The following BNIPL variants were observed in gnomAD, a reference collection of about 807,000 sequenced individuals.
The protein encoded by BNIPL is BCL2 interacting protein like.
Under a neutral mutation model 47.0 loss-of-function variants are expected in BNIPL, and 33 were observed. The observed-to-expected ratio is 0.70, with a 90% CI of 0.53 to 0.94. The LOEUF (loss-of-function observed/expected upper bound fraction) is 0.94. BNIPL is among the 40% of genes least tolerant of loss of function. The probability of loss-of-function intolerance (pLI) is 0.00; values close to 1 mark genes in which losing one functional copy is unlikely to be tolerated. For missense variants in BNIPL, 404 were observed against 445.2 expected, an observed-to-expected ratio of 0.91 and a Z score of 0.83; for synonymous variants, 145 against 162.7, an observed-to-expected ratio of 0.89 and a Z score of 0.83.
At chr1:151,038,334 A>C in intron 2 of BNIPL, 170 bp from the exon 3 acceptor site, 3 of 617,314 alleles carry the variant, frequency 4.9e-6, no homozygotes, top group Non-Finnish European at 8.6e-6. Context: ...TGATTGTGCC[A>C]CTGCATTCCA....
chr1:151,045,378 T>A (rs998127428), intron 7 of BNIPL, among the ~76,000 whole-genome samples: 1 of 146,500 alleles, frequency 6.8e-6, no homozygotes, highest in African/African-American at 2.6e-5. Flanking sequence ...GAGACCATGG[T>A]GAAACCCCGT....
intron 4 of BNIPL, among the ~76,000 whole-genome samples, chr1:151,041,867 C>T (rs956282991): frequency 1.3e-5 from 2 of 151,710 alleles, no homozygotes; most frequent in East Asian, 3.9e-4. Context: ...ACCAGCTACT[C>T]GGGAGGCTGA....
intron 1 of BNIPL, among the ~76,000 whole-genome samples, chr1:151,037,112 C>T (rs1344000268): frequency 2.6e-5 from 4 of 152,288 alleles, no homozygotes; most frequent in South Asian, 2.1e-4. Flanking sequence ...TCCAGGTTCT[C>T]GTTCTGGCAA....
chr1:151,036,640 GAGGTA>G lies in BNIPL; in HGVS notation c.-82_-78del, dbSNP rs910419508. 9.8e-6 allele frequency: 12 copies of G among 1,225,038 alleles called. No individual in the cohort carries two copies. In the African/African-American group the frequency reaches 1.3e-4, roughly 14 times the overall value. 75.9% of individuals were successfully genotyped at this position (1,225,038 alleles called of 1,614,324 possible). On this transcript the variant is annotated 5_prime_UTR_variant, in exon 1 of 10. Transcript: ENST00000368931. ...GAGCTACAACAGCTGAGACAGAAAA[GAGGTA>G]AGGAAGTGTTGGGGGCTGGGACAAC...
Position 151,046,744 on chromosome 1 carries a change from C to A in BNIPL, c.*57C>A. The A allele has an allele frequency of 1.4e-6, 2 of 1,395,776 alleles. No individual in the cohort carries two copies. Among genetic ancestry groups the A allele is most frequent in the South Asian group, 1.2e-5 (1 of 82,588 alleles). 86.5% of individuals were successfully genotyped at this position (1,395,776 alleles called of 1,614,324 possible). A position where few individuals can be genotyped will look rare whatever the true frequency, so the allele number is the denominator to read the frequency against. ...TTAGTGATCTGCCTACACCTGAATC[C>A]CTGAAACATCTGAACTGTTTTGTAA... is the stretch of plus-strand genomic sequence containing the variant. On this transcript the variant is annotated 3_prime_UTR_variant, in exon 10 of 10. Coordinates refer to ENST00000368931, the MANE Select transcript of BNIPL (RefSeq NM_138278.4).
chr1:151,046,764 T>G lies in BNIPL; in HGVS notation c.*77T>G. ...GAATCCCTGAAACATCTGAACTGTT[T>G]TGTAAATCATCTTATCCCCAACCTC... On this transcript the variant is annotated 3_prime_UTR_variant, in exon 10 of 10. Transcript: ENST00000368931. 7.8e-7 allele frequency: 1 copy of G among 1,276,700 alleles called. No homozygotes were observed. The highest frequency in any genetic ancestry group is 1.1e-6 in the Non-Finnish European group (1 of 900,738). The allele number at this position is 1,276,700 out of a possible 1,614,324, so 79.1% of individuals were successfully genotyped here.
In BNIPL at chr1:151,036,592, C is replaced by T. The variant is rs1045480125; in HGVS notation, c.-134C>T. 58 of 816,086 alleles carry T rather than the reference C, an allele frequency of 7.1e-5. No homozygotes were observed. The African/African-American group carries it at 8.1e-4, about 11-fold the overall frequency. 50.6% of individuals were successfully genotyped at this position (816,086 alleles called of 1,614,324 possible). A position where few individuals can be genotyped will look rare whatever the true frequency, so the allele number is the denominator to read the frequency against. ...TTTGAAGATGAGGTTACCTCCCTTC[C>T]ACACCTCCCTCCTTGGAGGCAAGAG... is the stretch of plus-strand genomic sequence containing the variant. On this transcript the variant is annotated 5_prime_UTR_variant, in exon 1 of 10. Coordinates refer to ENST00000368931, the MANE Select transcript of BNIPL (RefSeq NM_138278.4).
At chr1:151,037,093 G>A (rs774608236) in intron 1 of BNIPL, among the ~76,000 whole-genome samples, 1 of 152,150 alleles carries the variant, frequency 6.6e-6, no homozygotes, top group Non-Finnish European at 1.5e-5. Context: ...AACCAGAACC[G>A]AGTTTAGGTC....
intron 7 of BNIPL, 78 bp downstream of exon 7, chr1:151,043,805 T>G: frequency 6.8e-7 from 1 of 1,472,112 alleles, no homozygotes; most frequent in Non-Finnish European, 9.3e-7. Flanking sequence ...CTTCTTCCAT[T>G]TAGTCCTTTT....
intron 7 of BNIPL, among the ~76,000 whole-genome samples, chr1:151,044,035 A>T (rs1675923855): frequency 1.3e-5 from 2 of 152,104 alleles, no homozygotes; most frequent in Admixed American, 6.5e-5. Flanking sequence ...TCCAGACTGG[A>T]GTGCAGTGGC....
chr1:151,044,938 C>A (rs182371859), intron 7 of BNIPL: 2 of 1,289,720 alleles, frequency 1.6e-6, no homozygotes, highest in African/African-American at 3.0e-5. Context: ...GGAACTTACG[C>A]GAGGGTAGAG....
intron 4 of BNIPL, among the ~76,000 whole-genome samples, chr1:151,040,856 A>G (rs1024693024): frequency 3.3e-5 from 5 of 151,264 alleles, no homozygotes; most frequent in Non-Finnish European, 7.4e-5. Context: ...ATCATGCAGA[A>G]TGGTGGGTAT....
chr1:151,037,835 T>C (rs1025364579), intron 2 of BNIPL, among the ~76,000 whole-genome samples, 173 bp downstream of exon 2: 6 of 151,260 alleles, frequency 4.0e-5, no homozygotes, highest in Admixed American at 2.6e-4. Flanking sequence ...ATCCCGTCTC[T>C]ACTAAAAATA....
Position 151,043,274 on chromosome 1 carries a change from A to G in BNIPL, c.617-58A>G, listed in dbSNP as rs587614236. On this transcript the variant is annotated intron_variant, in intron 5 of 9. Coordinates refer to ENST00000368931, the MANE Select transcript of BNIPL (RefSeq NM_138278.4). Reference sequence around the variant, plus strand: ...TCAGAGTCCCTCAACTTAAACAGATATACTATCTGTCAATACATATTTGTT... The same window carrying G: ...TCAGAGTCCCTCAACTTAAACAGATGTACTATCTGTCAATACATATTTGTT... 1.9e-5 allele frequency: 29 copies of G among 1,522,722 alleles called. No individual in the cohort carries two copies. The East Asian group carries it at 4.1e-4, about 21-fold the overall frequency. 94.3% of individuals were successfully genotyped at this position (1,522,722 alleles called of 1,614,324 possible). A position where few individuals can be genotyped will look rare whatever the true frequency, so the allele number is the denominator to read the frequency against.
At chr1:151,036,823 C>G in intron 1 of BNIPL, 57 bp downstream of exon 1, 1 of 1,506,070 alleles carries the variant, frequency 6.6e-7, no homozygotes, top group Non-Finnish European at 9.2e-7. Flanking sequence ...TCCGGAGAGA[C>G]TTCCCCACCA....
In BNIPL at chr1:151,036,777, TC is replaced by T. The variant is rs748361077; in HGVS notation, c.41+12del. On this transcript the variant is annotated intron_variant, in intron 1 of 9. Coordinates refer to ENST00000368931, the MANE Select transcript of BNIPL (RefSeq NM_138278.4). ...AAAGACAGATGTTGGGTAAGTAAGATCTTGGCTCACTTGATTGGTAACAGTG... is the reference window on the plus strand; with the variant it reads ...AAAGACAGATGTTGGGTAAGTAAGATTTGGCTCACTTGATTGGTAACAGTG... The T allele has an allele frequency of 3.3e-4, 537 of 1,603,688 alleles. No homozygotes were observed. The highest frequency in any genetic ancestry group is 4.2e-4 in the Non-Finnish European group (487 of 1,170,694).
intron 9 of BNIPL, among the ~76,000 whole-genome samples, chr1:151,046,389 G>A (rs1293544617): frequency 6.6e-6 from 1 of 151,604 alleles, no homozygotes; most frequent in African/African-American, 2.4e-5. Flanking sequence ...ATACATATAA[G>A]TGCAGAGGCA....
intron 4 of BNIPL, among the ~76,000 whole-genome samples, chr1:151,042,219 G>T (rs1394331151): frequency 2.0e-5 from 3 of 151,724 alleles, no homozygotes; most frequent in African/African-American, 7.3e-5. Flanking sequence ...AAGCAGAAAA[G>T]AATGATTTTG....
Position 151,043,012 on chromosome 1 carries a change from C to T in BNIPL, c.490C>T (p.Arg164Ter), listed in dbSNP as rs761306125. The stretch of plus-strand genomic sequence containing the variant: ...CAGTGAGACAGCTGAAAGGCTGGGC[C>T]GAGGTTGTATGTGGGATGTGACTGG... ...GTSETAERLG[R>*]GCMWDVTGED... Residue 164 changes from arginine to a stop codon, truncating the protein, a stop_gained, in exon 5 of 10, where the codon CGA becomes TGA. Transcript: ENST00000368931. LOFTEE classifies it high-confidence loss of function. 5.6e-6 allele frequency: 9 copies of T among 1,610,528 alleles called. No homozygotes were observed. Among genetic ancestry groups the T allele is most frequent in the Non-Finnish European group, 6.8e-6 (8 of 1,179,230 alleles).
Sources: allele counts gnomAD v4.1 joint callset (sites outside exome capture counted in the v4.1 genomes callset), GRCh38; gene constraint gnomAD v4.1.1; transcripts MANE v1.5; gene names NCBI Gene and HGNC (gene_info 2026-07-23, HGNC 2026-07-21).